Variants in NKAIN1 observed in about 807,000 individuals in gnomAD.
NKAIN1 encodes the protein sodium/potassium-transporting ATPase subunit beta-1-interacting protein 1.
In NKAIN1, 13 loss-of-function variants were observed where a neutral mutation model predicts 31.6. The ratio of observed to expected loss-of-function variants is 0.41; its 90% CI spans 0.27 to 0.65. The LOEUF (loss-of-function observed/expected upper bound fraction) is 0.65. Ranked by LOEUF, NKAIN1 falls within the 30% of genes least tolerant of loss-of-function variation. The pLI, the probability that NKAIN1 is intolerant of heterozygous loss-of-function variation, is 0.30. For synonymous variants in NKAIN1, 104 were observed against 109.0 expected, an observed-to-expected ratio of 0.95 and a Z score of 0.28; for missense variants, 193 against 262.2, an observed-to-expected ratio of 0.74 and a Z score of 1.82.
chr1:31,186,100 C>T lies in NKAIN1; in HGVS notation c.193-773G>A, dbSNP rs190395279. Reference sequence around the variant, plus strand: ...AAAAGAGGCCAGGCGCAGTGGCTCACGCTTGTAATCCCAGCACTTTGGGAG... The same window carrying T: ...AAAAGAGGCCAGGCGCAGTGGCTCATGCTTGTAATCCCAGCACTTTGGGAG... On this transcript the variant is annotated intron_variant, in intron 2 of 6. Transcript: ENST00000373736. Among the ~76,000 whole-genome samples, 732 of 150,838 alleles carry T rather than the reference C, an allele frequency of 4.9e-3. 5 individuals are homozygous for T. Among genetic ancestry groups the T allele is most frequent in the Non-Finnish European group, 6.5e-3 (442 of 67,830 alleles).
chr1:31,225,356 A>C (rs1488447038), intron 1 of NKAIN1, among the ~76,000 whole-genome samples: 13 of 94,294 alleles, frequency 1.4e-4, no homozygotes, highest in African/African-American at 5.6e-4. Flanking sequence ...TTTTTTAAAG[A>C]CAGAGTCTTA....
chr1:31,214,578 C>T (rs920282656), intron 1 of NKAIN1, among the ~76,000 whole-genome samples: 3 of 152,068 alleles, frequency 2.0e-5, no homozygotes, highest in Non-Finnish European at 4.4e-5. Context: ...TTTGTGCATG[C>T]GTGTGTGTGC....
intron 1 of NKAIN1, among the ~76,000 whole-genome samples, chr1:31,238,109 T>C (rs1458565074): frequency 6.6e-6 from 1 of 152,126 alleles, no homozygotes; most frequent in Non-Finnish European, 1.5e-5. Context: ...TGGGGGGAAG[T>C]CACTTGTCCA....
chr1:31,200,409 A>T (rs1237778777), intron 1 of NKAIN1, among the ~76,000 whole-genome samples: 1 of 151,292 alleles, frequency 6.6e-6, no homozygotes, highest in African/African-American at 2.4e-5. Flanking sequence ...ATGCACTTCT[A>T]TAGTTCCGGA....
At chr1:31,193,807 C>G (rs1362128445) in intron 1 of NKAIN1, 1 of 152,022 alleles carries the variant, frequency 6.6e-6, no homozygotes, top group Non-Finnish European at 1.5e-5. Context: ...AGAGGAATAC[C>G]TTTCCCACCT....
intron 1 of NKAIN1, among the ~76,000 whole-genome samples, chr1:31,220,174 A>ATT (rs552267355): frequency 4.2e-4 from 53 of 127,296 alleles, no homozygotes; most frequent in African/African-American, 6.5e-4. Flanking sequence ...CGCCCAGCTA[A>ATT]TTTTTTTTTT....
intron 1 of NKAIN1, among the ~76,000 whole-genome samples, chr1:31,210,333 G>A (rs546011392): frequency 1.3e-5 from 2 of 150,944 alleles, no homozygotes; most frequent in South Asian, 4.2e-4. Context: ...CTGTCGCCCA[G>A]GCTGGAGTGC....
chr1:31,231,239 C>T (rs566619894), intron 1 of NKAIN1, among the ~76,000 whole-genome samples: 9 of 151,702 alleles, frequency 5.9e-5, no homozygotes, highest in African/African-American at 2.2e-4. Context: ...GTTGTGCTAT[C>T]AAAGACAAGA....
intron 1 of NKAIN1, among the ~76,000 whole-genome samples, chr1:31,203,065 G>A (rs1645395446): frequency 6.7e-6 from 1 of 149,876 alleles, no homozygotes; most frequent in African/African-American, 2.5e-5. Context: ...CTGAGGTCAG[G>A]AGTTCGAGAC....
intron 1 of NKAIN1, among the ~76,000 whole-genome samples, chr1:31,194,191 G>A (rs1385037542): frequency 2.0e-5 from 3 of 152,010 alleles, no homozygotes; most frequent in African/African-American, 7.2e-5. Context: ...CACAGAATGA[G>A]CCCCCTGACT....
At chr1:31,203,655 G>T (rs1174523635) in intron 1 of NKAIN1, among the ~76,000 whole-genome samples, 1 of 148,688 alleles carries the variant, frequency 6.7e-6, no homozygotes, top group East Asian at 2.0e-4. Flanking sequence ...CACCATCTTG[G>T]CTCACTGCAA....
At chr1:31,215,292 C>G (rs374114582) in intron 1 of NKAIN1, among the ~76,000 whole-genome samples, 6 of 152,198 alleles carry the variant, frequency 3.9e-5, no homozygotes, top group Non-Finnish European at 7.3e-5. Context: ...AGTACTCCCC[C>G]CAACCCAGGG....
At chr1:31,182,288 A>T (rs563426093) in intron 5 of NKAIN1, among the ~76,000 whole-genome samples, 70 of 151,442 alleles carry the variant, frequency 4.6e-4, no homozygotes, top group Non-Finnish European at 9.0e-4. Flanking sequence ...AAGACCTCTG[A>T]TGGGGTGGGG....
chr1:31,239,606 C>A lies in NKAIN1; in HGVS notation c.-59G>T. On this transcript the variant is annotated 5_prime_UTR_variant, in exon 1 of 7. Transcript: ENST00000373736. This position sits in a 1 kb window ranked among gnomAD's most constrained non-coding sequence, Gnocchi z 4.8. ...CGCCCTTCTTGCTCCGCGGCCGCCG[C>A]CTGCTCGCGCCGCGCGGGCTCCACG... 1 of 1,024,704 alleles carries A rather than the reference C, an allele frequency of 9.8e-7. No homozygotes were observed. Among genetic ancestry groups the A allele is most frequent in the Non-Finnish European group, 1.2e-6 (1 of 833,790 alleles). 63.5% of individuals were successfully genotyped at this position (1,024,704 alleles called of 1,614,324 possible).
intron 1 of NKAIN1, among the ~76,000 whole-genome samples, chr1:31,204,719 A>G (rs59384823): frequency 6.6e-6 from 1 of 152,222 alleles, no homozygotes; most frequent in South Asian, 2.1e-4. Flanking sequence ...AATGAAGAAC[A>G]CCACATAATT....
chr1:31,230,894 T>C (rs1244344552), intron 1 of NKAIN1, among the ~76,000 whole-genome samples: 1 of 149,614 alleles, frequency 6.7e-6, no homozygotes, highest in Non-Finnish European at 1.5e-5. Flanking sequence ...TTTTTTTTTT[T>C]TTTTTGAGAC....
chr1:31,207,215 C>T lies in NKAIN1; in HGVS notation c.55-19028G>A, dbSNP rs547076784. On this transcript the variant is annotated intron_variant, in intron 1 of 6. Transcript: ENST00000373736. ...CAAACTATCTGGGTTTGAATCCTACCTTTAATACTTATTAGCTGTGTGACC... is the reference window on the plus strand; with the variant it reads ...CAAACTATCTGGGTTTGAATCCTACTTTTAATACTTATTAGCTGTGTGACC... Among the ~76,000 whole-genome samples the T allele has an allele frequency of 6.6e-5, 10 of 152,312 alleles. No homozygotes were observed. The South Asian group carries it at 1.9e-3, about 28-fold the overall frequency.
intron 1 of NKAIN1, among the ~76,000 whole-genome samples, chr1:31,205,553 C>T (rs1281907792): frequency 4.6e-5 from 7 of 151,600 alleles, no homozygotes; most frequent in Non-Finnish European, 4.4e-5. Flanking sequence ...GTGATCTGCC[C>T]GCCTAAGTCT....
chr1:31,202,119 G>A (rs1645384683), intron 1 of NKAIN1, among the ~76,000 whole-genome samples: 1 of 152,178 alleles, frequency 6.6e-6, no homozygotes, highest in Non-Finnish European at 1.5e-5. Flanking sequence ...CTTGTCAGGA[G>A]GCAGCAGCAG....
Sources: gnomAD v4.1 joint callset for allele counts (sites outside exome capture counted in the v4.1 genomes callset) on GRCh38, gnomAD v4.1.1 for gene constraint, Gnocchi (gnomAD v3.1) non-coding constraint, MANE v1.5 for transcripts, NCBI Gene and HGNC (gene_info 2026-07-23, HGNC 2026-07-21) for gene names.